CXCL13: variants seen among roughly 807,000 people sequenced by gnomAD.
CXCL13 encodes the protein C-X-C motif chemokine ligand 13, also known as C-X-C motif chemokine 13.
Under a neutral mutation model 12.2 loss-of-function variants are expected in CXCL13, and 7 were observed. The observed-to-expected ratio is 0.57, with a 90% CI of 0.33 to 1.07. CXCL13 has a LOEUF of 1.07. CXCL13 is among the 50% of genes least tolerant of loss of function. The pLI, the probability that CXCL13 is intolerant of heterozygous loss-of-function variation, is 0.04. For missense variants in CXCL13, 113 were observed against 127.4 expected, an observed-to-expected ratio of 0.89 and a Z score of 0.55; for synonymous variants, 47 against 42.4, an observed-to-expected ratio of 1.11 and a Z score of -0.42.
chr4:77,535,274 G>A (rs1725033378), intron 1 of CXCL13, among the ~76,000 whole-genome samples: 1 of 152,174 alleles, frequency 6.6e-6, no homozygotes, highest in Admixed American at 6.5e-5. Flanking sequence ...AAGCCCTGGA[G>A]GTGCCCTCAG....
rs181909073 is a variant in CXCL13, at chr4:77,598,136, A to C, written c.-42-7688A>C. Among the ~76,000 whole-genome samples the C allele has an allele frequency of 3.8e-3, 580 of 152,354 alleles. 2 individuals carry two copies. Among genetic ancestry groups the C allele is most frequent in the African/African-American group, 0.012 (500 of 41,586 alleles). ...GACCAGGCTTGCCTGTCTTGACAGT[A>C]TACTGCCTCCAAAGGACTGGCATGG... On this transcript the variant is annotated intron_variant, in intron 1 of 4. Coordinates refer to the CXCL13 transcript ENST00000286758.
chr4:77,556,067 C>T (rs969655294), intron 1 of CXCL13, among the ~76,000 whole-genome samples: 71 of 152,326 alleles, frequency 4.7e-4, no homozygotes, highest in Admixed American at 3.2e-3. Context: ...TACTTATTTA[C>T]ACTGCCATGT....
intron 1 of CXCL13, among the ~76,000 whole-genome samples, chr4:77,556,748 G>C (rs1275681711): frequency 1.3e-5 from 2 of 152,100 alleles, no homozygotes; most frequent in African/African-American, 4.8e-5. Flanking sequence ...CCAAGAAAAT[G>C]GGAAACAAGA....
At chr4:77,548,345 T>C (rs529398330) in intron 1 of CXCL13, among the ~76,000 whole-genome samples, 11 of 152,322 alleles carry the variant, frequency 7.2e-5, no homozygotes, top group African/African-American at 2.4e-4. Context: ...TTCAACACAT[T>C]TGAGTTGCAC....
Position 77,567,152 on chromosome 4 carries a change from C to T in CXCL13, c.-42-38672C>T, listed in dbSNP as rs1433126235. ...AAGAAGGTACTTTGTAATATCCTCC[C>T]CACCCTTGAGAATGTACTTTGTAAG... On this transcript the variant is annotated intron_variant, in intron 1 of 4. Coordinates refer to the CXCL13 transcript ENST00000286758. 2.0e-5 allele frequency among the ~76,000 whole-genome samples: 3 copies of T among 152,244 alleles called. No individual in the cohort carries two copies. In the East Asian group the frequency reaches 5.8e-4, roughly 29 times the overall value.
chr4:77,560,029 C>A (rs1458804376), intron 1 of CXCL13, among the ~76,000 whole-genome samples: 1 of 151,112 alleles, frequency 6.6e-6, no homozygotes, highest in Non-Finnish European at 1.5e-5. Context: ...ACTTCTGTGA[C>A]CACAGCAATG....
intron 2 of CXCL13, among the ~76,000 whole-genome samples, chr4:77,609,577 G>A (rs948157711): frequency 1.3e-5 from 2 of 152,042 alleles, no homozygotes; most frequent in African/African-American, 4.8e-5. Context: ...CAAAGTGCTG[G>A]GATTACAGGC....
chr4:77,539,412 C>A (rs537802196), intron 1 of CXCL13, among the ~76,000 whole-genome samples: 1 of 152,220 alleles, frequency 6.6e-6, no homozygotes, highest in African/African-American at 2.4e-5. Flanking sequence ...CAAGCATGAG[C>A]CACTGCACCT....
chr4:77,542,903 C>T (rs1369347876), intron 1 of CXCL13, among the ~76,000 whole-genome samples: 1 of 152,050 alleles, frequency 6.6e-6, no homozygotes, highest in Non-Finnish European at 1.5e-5. Flanking sequence ...AGGAATCTCT[C>T]CTTAATTTTT....
At chr4:77,610,910 C>A (rs1727134520) in intron 3 of CXCL13, 78 bp from the exon 4 acceptor site, 3 of 1,314,970 alleles carry the variant, frequency 2.3e-6, no homozygotes, top group Non-Finnish European at 3.3e-6. Context: ...GAGTCCTTGC[C>A]CGGTATCTCC....
chr4:77,566,580 T>G (rs1725928353), intron 1 of CXCL13, among the ~76,000 whole-genome samples: 2 of 152,174 alleles, frequency 1.3e-5, no homozygotes, highest in African/African-American at 4.8e-5. Context: ...AAAAAAATCC[T>G]TGAGGTGCAA....
chr4:77,605,636 G>T (rs1726983563), upstream of CXCL13, among the ~76,000 whole-genome samples: 2 of 152,206 alleles, frequency 1.3e-5, no homozygotes, highest in Admixed American at 1.3e-4. Context: ...ATGTTTGCAA[G>T]AAATATTTTA....
chr4:77,537,974 C>A (rs1725101054), intron 1 of CXCL13, among the ~76,000 whole-genome samples: 1 of 152,142 alleles, frequency 6.6e-6, no homozygotes. Context: ...CTTATAGAAT[C>A]TAAGCCCAAA....
chr4:77,522,856 C>A (rs1578034743), intron 1 of CXCL13, among the ~76,000 whole-genome samples: 1 of 152,070 alleles, frequency 6.6e-6, no homozygotes, highest in Non-Finnish European at 1.5e-5. Context: ...CCAGTTGTTT[C>A]TTTACATGTT....
intron 1 of CXCL13, among the ~76,000 whole-genome samples, chr4:77,545,770 A>T (rs1452352264): frequency 6.6e-6 from 1 of 152,182 alleles, no homozygotes; most frequent in African/African-American, 2.4e-5. Flanking sequence ...CCTGGCCAGA[A>T]CTTCCAACAC....
chr4:77,608,602 T>G (rs1017828814), intron 2 of CXCL13, among the ~76,000 whole-genome samples: 4 of 152,200 alleles, frequency 2.6e-5, no homozygotes, highest in African/African-American at 9.7e-5. Flanking sequence ...CCCATGGACT[T>G]CTTTAGATTT....
chr4:77,576,841 C>A (rs1345485825), intron 1 of CXCL13, among the ~76,000 whole-genome samples: 1 of 152,180 alleles, frequency 6.6e-6, no homozygotes, highest in Non-Finnish European at 1.5e-5. Context: ...ATTTTGCAAA[C>A]AACTCCGTCC....
intron 1 of CXCL13, among the ~76,000 whole-genome samples, chr4:77,565,937 A>T: frequency 6.6e-6 from 1 of 152,272 alleles, no homozygotes; most frequent in South Asian, 2.1e-4. Context: ...GCAATAGCAT[A>T]AACAAATCCT....
intron 1 of CXCL13, among the ~76,000 whole-genome samples, chr4:77,527,193 T>C (rs1288762722): frequency 6.6e-6 from 1 of 152,174 alleles, no homozygotes; most frequent in East Asian, 1.9e-4. Flanking sequence ...CCACAAAATG[T>C]AGCACTGTAC....
Sources: allele counts gnomAD v4.1 joint callset (sites outside exome capture counted in the v4.1 genomes callset), GRCh38; gene constraint gnomAD v4.1.1; transcripts MANE v1.5; gene names NCBI Gene and HGNC (gene_info 2026-07-23, HGNC 2026-07-21).